EPB41: variants seen among roughly 807,000 people sequenced by gnomAD.
EPB41 encodes the protein erythrocyte membrane protein band 4.1.
EPB41 carries 65 observed loss-of-function variants against 108.0 expected under a neutral mutation model. That is an observed-to-expected ratio of 0.60 (90% CI 0.49 to 0.74). The LOEUF (loss-of-function observed/expected upper bound fraction) is 0.74, where lower values mean the gene tolerates loss of function less well. Ranked by LOEUF, EPB41 falls within the 30% of genes least tolerant of loss-of-function variation. The probability of loss-of-function intolerance (pLI) is 0.00; values close to 1 mark genes in which losing one functional copy is unlikely to be tolerated. For missense variants in EPB41, 875 were observed against 1,037.0 expected, an observed-to-expected ratio of 0.84 and a Z score of 2.15; for synonymous variants, 336 against 358.9, an observed-to-expected ratio of 0.94 and a Z score of 0.72.
At chr1:29,068,744 T>C in intron 16 of EPB41, 1 of 1,232,178 alleles carries the variant, frequency 8.1e-7, no homozygotes, top group Non-Finnish European at 1.0e-6. Context: ...TGAAGAAAAC[T>C]TCTGTCCTAC....
chr1:28,977,561 CTTTG>C (rs769430378), intron 1 of EPB41, among the ~76,000 whole-genome samples: 16 of 150,836 alleles, frequency 1.1e-4, no homozygotes, highest in Middle Eastern at 3.4e-3. Flanking sequence ...TGTGTAGATT[CTTTG>C]TTTGTTTGTT....
At chr1:28,929,079 G>A (rs2093600183) in intron 1 of EPB41, among the ~76,000 whole-genome samples, 1 of 152,112 alleles carries the variant, frequency 6.6e-6, no homozygotes, top group Non-Finnish European at 1.5e-5. Flanking sequence ...GAAATAATAT[G>A]TAATATGCTT....
chr1:29,024,933 A>G lies in EPB41; in HGVS notation c.1125-5467A>G, dbSNP rs112683000. Among the ~76,000 whole-genome samples the G allele has an allele frequency of 4.3e-4, 65 of 152,134 alleles. 1 individual carries two copies. The highest frequency in any genetic ancestry group is 1.5e-3 in the African/African-American group (62 of 41,388). ...AAGATTTGCAACCCTCACAAACCCA[A>G]AGGAACAATTTAATTATGTCCAACA... On this transcript the variant is annotated intron_variant, in intron 7 of 20. Coordinates refer to ENST00000343067, the MANE Select transcript of EPB41 (RefSeq NM_001376013.1).
At chr1:29,042,367 A>G (rs1180597006) in intron 11 of EPB41, among the ~76,000 whole-genome samples, 1 of 152,186 alleles carries the variant, frequency 6.6e-6, no homozygotes, top group Admixed American at 6.5e-5. Flanking sequence ...ATATGTCCTT[A>G]ATTTAGAGGA....
At chr1:29,016,954 A>G (rs1444450304) in intron 6 of EPB41, among the ~76,000 whole-genome samples, 1 of 152,226 alleles carries the variant, frequency 6.6e-6, no homozygotes, top group Non-Finnish European at 1.5e-5. Flanking sequence ...TAACCTCTTT[A>G]AAAATCTGAT....
chr1:28,953,902 C>G (rs927597093), intron 1 of EPB41, among the ~76,000 whole-genome samples: 2 of 152,102 alleles, frequency 1.3e-5, no homozygotes, highest in African/African-American at 4.8e-5. Flanking sequence ...ATGTCAAGGT[C>G]GAGTCTGAGA....
intron 1 of EPB41, among the ~76,000 whole-genome samples, chr1:28,897,452 G>A (rs368014726): frequency 6.6e-6 from 1 of 151,850 alleles, no homozygotes; most frequent in South Asian, 2.1e-4. Context: ...GGGAGGCTGA[G>A]GTGGGAGGAT....
At chr1:29,061,504 C>T (rs563620681) in intron 15 of EPB41, among the ~76,000 whole-genome samples, 2 of 149,040 alleles carry the variant, frequency 1.3e-5, no homozygotes, top group East Asian at 4.0e-4. Context: ...CTCCTGACCT[C>T]GTGATTCGCC....
intron 1 of EPB41, among the ~76,000 whole-genome samples, chr1:28,969,147 C>T (rs2095434496): frequency 6.7e-6 from 1 of 149,922 alleles, no homozygotes; most frequent in Non-Finnish European, 1.5e-5. Context: ...TGCAGTGGCA[C>T]AGTCTCAGCT....
intron 1 of EPB41, among the ~76,000 whole-genome samples, chr1:28,983,692 G>A (rs748524410): frequency 7.9e-5 from 12 of 152,156 alleles, no homozygotes; most frequent in South Asian, 2.1e-4. Flanking sequence ...TCAAGGCCAC[G>A]CGGGCCTCAC....
chr1:28,911,693 T>C (rs868042821), upstream of EPB41, among the ~76,000 whole-genome samples: 1 of 152,104 alleles, frequency 6.6e-6, no homozygotes, highest in African/African-American at 2.4e-5. Context: ...GGACTAGAAC[T>C]CTGAATAAAA....
At chr1:28,889,836 C>A (rs937610321) in intron 1 of EPB41, 35 of 985,252 alleles carry the variant, frequency 3.6e-5, no homozygotes, top group Non-Finnish European at 4.1e-5. Flanking sequence ...GTACTGTGCA[C>A]CATATACAGG....
intron 1 of EPB41, among the ~76,000 whole-genome samples, chr1:28,957,195 T>C (rs2094988657): frequency 6.6e-6 from 1 of 152,244 alleles, no homozygotes; most frequent in Non-Finnish European, 1.5e-5. Flanking sequence ...CCACACTACC[T>C]AGTAAAATCC....
intron 3 of EPB41, among the ~76,000 whole-genome samples, chr1:28,996,899 CTGAGGCGGGGGAATCACT>C (rs1033980330): frequency 7.7e-4 from 117 of 152,168 alleles, no homozygotes; most frequent in Middle Eastern, 3.4e-3. Flanking sequence ...CGTTGGAAGG[CTGAGGCGGGGGAATCACT>C]TGAGGCGGGG....
intron 1 of EPB41, among the ~76,000 whole-genome samples, chr1:28,981,334 C>A (rs942462267): frequency 6.6e-6 from 1 of 151,868 alleles, no homozygotes; most frequent in Non-Finnish European, 1.5e-5. Flanking sequence ...CCATGTATGT[C>A]GAATCATAGA....
At chr1:28,909,484 A>G (rs2092101800) in intron 1 of EPB41, among the ~76,000 whole-genome samples, 1 of 151,604 alleles carries the variant, frequency 6.6e-6, no homozygotes, top group Admixed American at 6.6e-5. Context: ...AAATAAATAA[A>G]TAATAAAATA....
At chr1:29,100,776 A>G (rs1218441028) in intron 17 of EPB41, among the ~76,000 whole-genome samples, 2 of 146,974 alleles carry the variant, frequency 1.4e-5, no homozygotes, top group Non-Finnish European at 3.0e-5. Flanking sequence ...TATATATAAT[A>G]TATATATTAG....
chr1:29,026,256 TTC>T (rs1304207589), intron 7 of EPB41, among the ~76,000 whole-genome samples: 2 of 152,226 alleles, frequency 1.3e-5, no homozygotes, highest in African/African-American at 4.8e-5. Flanking sequence ...GGAGCCAGGT[TTC>T]TCACTGTCAG....
Position 29,039,249 on chromosome 1 carries a change from C to T in EPB41, c.1464-5C>T, listed in dbSNP as rs756429748. ...ATAATATGACTATTACGATTTTCCC[C>T]CCAGATTGACATCTACAGACACCAT... On this transcript the variant is annotated splice_region_variant and splice_polypyrimidine_tract_variant and intron_variant, in intron 10 of 20. Coordinates refer to ENST00000343067, the MANE Select transcript of EPB41 (RefSeq NM_001376013.1). 6.2e-7 allele frequency: 1 copy of T among 1,613,496 alleles called. No homozygotes were observed. Among genetic ancestry groups the T allele is most frequent in the South Asian group, 1.1e-5 (1 of 91,070 alleles).
Sources: allele counts gnomAD v4.1 joint callset (sites outside exome capture counted in the v4.1 genomes callset), GRCh38; gene constraint gnomAD v4.1.1; transcripts MANE v1.5; gene names NCBI Gene and HGNC (gene_info 2026-07-23, HGNC 2026-07-21).